UIMC1: variants seen among roughly 807,000 people sequenced by gnomAD.
UIMC1 encodes the protein ubiquitin interaction motif containing 1.
A neutral mutation model predicts 84.9 loss-of-function variants in UIMC1; 42 were observed. The ratio of observed to expected loss-of-function variants is 0.49; its 90% CI spans 0.39 to 0.64. The LOEUF is 0.64. UIMC1 is among the 30% of genes least tolerant of loss of function. The pLI is 0.00. For synonymous variants in UIMC1, 281 were observed against 293.0 expected (o/e 0.96, Z 0.42); for missense variants, 825 against 847.6 (o/e 0.97, Z 0.33).
intron 1 of UIMC1, among the ~76,000 whole-genome samples, chr5:176,997,664 A>G (rs558219672): frequency 0.011 from 1,475 of 140,242 alleles, 9 homozygotes; most frequent in South Asian, 0.025. Context: ...CAGTCTGGGC[A>G]ACAGAGCGAG....
chr5:176,910,966 G>A (rs1420083200), intron 11 of UIMC1, among the ~76,000 whole-genome samples: 1 of 152,010 alleles, frequency 6.6e-6, no homozygotes, highest in East Asian at 1.9e-4. Flanking sequence ...GCGCATGCCT[G>A]TAATCCCAGC....
intron 1 of UIMC1, among the ~76,000 whole-genome samples, chr5:176,987,825 C>CAA (rs908974732): frequency 7.2e-6 from 1 of 139,288 alleles, no homozygotes; most frequent in Non-Finnish European, 1.6e-5. Context: ...CCCTGTCTCA[C>CAA]AAAAAAAAAA....
At chr5:176,978,521 T>C (rs1408570165) in intron 2 of UIMC1, among the ~76,000 whole-genome samples, 2 of 152,094 alleles carry the variant, frequency 1.3e-5, no homozygotes, top group Non-Finnish European at 2.9e-5. Context: ...TTCTCTTTTA[T>C]ATCATAACCC....
chr5:177,011,939 T>G (rs1775556988), intron 1 of UIMC1, among the ~76,000 whole-genome samples: 2 of 152,086 alleles, frequency 1.3e-5, no homozygotes, highest in South Asian at 4.1e-4. Context: ...TAGCTAGGAT[T>G]ACAGGCGCCC....
intron 2 of UIMC1, 53 bp from the exon 3 acceptor site, chr5:176,975,533 T>G: frequency 1.3e-6 from 2 of 1,572,660 alleles, no homozygotes; most frequent in Non-Finnish European, 1.7e-6. Flanking sequence ...AAGTAGTGAT[T>G]TCTCTCTCTT....
At chr5:176,951,880 A>G (rs1299991262) in intron 8 of UIMC1, among the ~76,000 whole-genome samples, 1 of 152,224 alleles carries the variant, frequency 6.6e-6, no homozygotes, top group Non-Finnish European at 1.5e-5. Context: ...AACACCCCAA[A>G]AAGTTCTCTG....
At chr5:176,955,880 A>C (rs1766535761) in intron 8 of UIMC1, 79 bp downstream of exon 8, 29 of 1,385,156 alleles carry the variant, frequency 2.1e-5, no homozygotes, top group Non-Finnish European at 2.9e-5. Flanking sequence ...AGTAGGTTTG[A>C]AGAGTCAGAG....
intron 3 of UIMC1, among the ~76,000 whole-genome samples, chr5:176,971,180 C>T (rs1769143365): frequency 6.6e-6 from 1 of 152,186 alleles, no homozygotes; most frequent in Non-Finnish European, 1.5e-5. Flanking sequence ...TAAATATCTG[C>T]TAAATGAATA....
intron 10 of UIMC1, among the ~76,000 whole-genome samples, chr5:176,918,774 T>A (rs190778513): frequency 2.2e-3 from 333 of 152,318 alleles, no homozygotes; most frequent in Non-Finnish European, 3.7e-3. Context: ...ATATTAACAC[T>A]CCCCTTGAAT....
At chr5:176,908,883 T>G (rs1207672497) in intron 11 of UIMC1, among the ~76,000 whole-genome samples, 189 bp from the exon 12 acceptor site, 2 of 152,184 alleles carry the variant, frequency 1.3e-5, no homozygotes, top group Non-Finnish European at 1.5e-5. Flanking sequence ...AAGGACTGAG[T>G]GATTAGCAGT....
intron 6 of UIMC1, among the ~76,000 whole-genome samples, chr5:176,962,006 C>T (rs1767545650): frequency 1.5e-5 from 1 of 68,794 alleles, no homozygotes; most frequent in African/African-American, 6.8e-5. Context: ...GGTCAGCCCC[C>T]CTGCCCGGCC....
intron 3 of UIMC1, among the ~76,000 whole-genome samples, chr5:176,973,478 G>A (rs1251166090): frequency 6.6e-6 from 1 of 151,246 alleles, no homozygotes; most frequent in Non-Finnish European, 1.5e-5. Context: ...CAGGTACAGT[G>A]GCTCATGCCT....
chr5:176,949,657 G>A (rs537267623), intron 9 of UIMC1, among the ~76,000 whole-genome samples: 1 of 152,302 alleles, frequency 6.6e-6, no homozygotes, highest in South Asian at 2.1e-4. Context: ...GACAGATCAG[G>A]TTCCAGAGAA....
intron 3 of UIMC1, among the ~76,000 whole-genome samples, chr5:176,972,836 CAA>C (rs2149489263): frequency 6.6e-6 from 1 of 151,698 alleles, no homozygotes; most frequent in East Asian, 1.9e-4. Context: ...AAAGAGGAAA[CAA>C]GATTATAAAT....
chr5:176,913,753 G>C (rs573154822), intron 10 of UIMC1, among the ~76,000 whole-genome samples: 1 of 152,328 alleles, frequency 6.6e-6, no homozygotes, highest in Middle Eastern at 3.4e-3. Context: ...GAGGCGGGCA[G>C]ATCACTTGAG....
intron 13 of UIMC1, 144 bp from the exon 14 acceptor site, chr5:176,906,191 A>C: frequency 1.4e-6 from 1 of 694,974 alleles, no homozygotes; most frequent in Non-Finnish European, 2.4e-6. Context: ...CCCTAAACCC[A>C]CAGACGGTGA....
chr5:176,905,950 G>A, intron 14 of UIMC1, 61 bp downstream of exon 14: 1 of 1,577,252 alleles, frequency 6.3e-7, no homozygotes, highest in Middle Eastern at 1.7e-4. Flanking sequence ...CAGAACACAG[G>A]ACAAGGCCTG....
intron 10 of UIMC1, among the ~76,000 whole-genome samples, chr5:176,939,118 G>A (rs1315854980): frequency 1.3e-5 from 2 of 151,772 alleles, no homozygotes; most frequent in East Asian, 1.9e-4. Flanking sequence ...CTAGCCAGGC[G>A]GGGTGGTGTG....
chr5:176,960,273 C>A (rs1329733291), intron 6 of UIMC1, among the ~76,000 whole-genome samples: 1 of 152,184 alleles, frequency 6.6e-6, no homozygotes, highest in Non-Finnish European at 1.5e-5. Flanking sequence ...ATATTGCTTA[C>A]TCAGATGATC....
Sources: allele counts gnomAD v4.1 joint callset (sites outside exome capture counted in the v4.1 genomes callset), GRCh38; gene constraint gnomAD v4.1.1; transcripts MANE v1.5; gene names NCBI Gene and HGNC (gene_info 2026-07-23, HGNC 2026-07-21).